ZNF679: variants seen among roughly 807,000 people sequenced by gnomAD.
ZNF679 encodes the protein zinc finger protein 679, also known as hypothetical protein MGC42415.
A neutral mutation model predicts 13.4 loss-of-function variants in ZNF679; 10 were observed. The ratio of observed to expected loss-of-function variants is 0.75; its 90% CI spans 0.46 to 1.27. The LOEUF is 1.27. Ranked by LOEUF, ZNF679 falls within the 50% of genes most tolerant of loss-of-function variation. The pLI is 0.00. For missense variants in ZNF679, 525 were observed against 477.8 expected (o/e 1.10, Z -0.92); for synonymous variants, 179 against 162.5 (o/e 1.10, Z -0.77).
At chr7:64,254,999 C>CAAAAAAAAA (rs71060569) in intron 2 of ZNF679, among the ~76,000 whole-genome samples, 1 of 92,126 alleles carries the variant, frequency 1.1e-5, no homozygotes. Flanking sequence ...GACTCCATCT[C>CAAAAAAAAA]AAAAAAAAAA....
chr7:64,232,210 C>T (rs1787648913), intron 1 of ZNF679, among the ~76,000 whole-genome samples: 1 of 152,194 alleles, frequency 6.6e-6, no homozygotes, highest in Non-Finnish European at 1.5e-5. Context: ...CAAGAGTGGG[C>T]TGTATGCATG....
At chr7:64,228,690 A>T (rs1048493908) in intron 1 of ZNF679, 38 bp downstream of exon 1, 3 of 152,206 alleles carry the variant, frequency 2.0e-5, no homozygotes, top group Non-Finnish European at 2.9e-5. Flanking sequence ...CAGTCTTAAC[A>T]CTGGACAGGA....
intron 3 of ZNF679, 30 bp downstream of exon 3, chr7:64,260,377 A>G (rs766926554): frequency 1.3e-6 from 2 of 1,574,380 alleles, no homozygotes; most frequent in Admixed American, 2.1e-5. Flanking sequence ...ACAATTCCTA[A>G]TATATTTCTT....
intron 2 of ZNF679, among the ~76,000 whole-genome samples, chr7:64,258,512 C>A (rs1248648727): frequency 6.6e-6 from 1 of 151,772 alleles, no homozygotes; most frequent in Non-Finnish European, 1.5e-5. Flanking sequence ...ACCAGCCTGA[C>A]CAACATGGTG....
intron 4 of ZNF679, among the ~76,000 whole-genome samples, chr7:64,262,791 A>G (rs1788095127): frequency 6.6e-6 from 1 of 152,222 alleles, no homozygotes; most frequent in African/African-American, 2.4e-5. Flanking sequence ...ATAGTTCAAA[A>G]TAAAGTTTAA....
At chr7:64,248,759 C>A (rs1787901887) in intron 1 of ZNF679, among the ~76,000 whole-genome samples, 1 of 152,072 alleles carries the variant, frequency 6.6e-6, no homozygotes, top group African/African-American at 2.4e-5. Context: ...ACGTTATACA[C>A]AAGGTTAAAT....
At chr7:64,252,833 T>C (rs1360364095) in intron 2 of ZNF679, among the ~76,000 whole-genome samples, 5 of 152,236 alleles carry the variant, frequency 3.3e-5, no homozygotes, top group Non-Finnish European at 5.9e-5. Flanking sequence ...TTCTCTTGCC[T>C]CAGCCTCCCA....
chr7:64,231,988 C>T (rs980852016), intron 1 of ZNF679, among the ~76,000 whole-genome samples: 1 of 152,206 alleles, frequency 6.6e-6, no homozygotes, highest in Non-Finnish European at 1.5e-5. Flanking sequence ...CAACAGTGGA[C>T]AGGATCCATA....
At chr7:64,230,937 G>C (rs1188127424) in intron 1 of ZNF679, among the ~76,000 whole-genome samples, 2 of 152,176 alleles carry the variant, frequency 1.3e-5, no homozygotes, top group African/African-American at 2.4e-5. Context: ...ACATATAAGA[G>C]TCACAGTTCC....
intron 2 of ZNF679, 92 bp from the exon 3 acceptor site, chr7:64,260,129 A>G: frequency 1.7e-6 from 2 of 1,168,668 alleles, no homozygotes; most frequent in Non-Finnish European, 2.4e-6. Context: ...TTTACTCTCT[A>G]ACTTGAGTCA....
chr7:64,229,858 G>A lies in ZNF679; in HGVS notation c.-91+1206G>A, dbSNP rs186798273. Among the ~76,000 whole-genome samples the A allele has an allele frequency of 3.4e-4, 52 of 152,204 alleles. No homozygotes were observed. The South Asian group carries it at 5.2e-3, about 15-fold the overall frequency. ...TCATATCATCTGAATTCAGGGCCAG[G>A]GATATGTCAGCATTCTCCTTGTGTG... is the stretch of plus-strand genomic sequence containing the variant. On this transcript the variant is annotated intron_variant, in intron 1 of 4. Transcript: ENST00000421025.
At chr7:64,245,237 G>C (rs1291685194) in intron 1 of ZNF679, among the ~76,000 whole-genome samples, 1 of 152,102 alleles carries the variant, frequency 6.6e-6, no homozygotes. Context: ...TGTTGGCCAG[G>C]CTGGTCTTGA....
intron 1 of ZNF679, among the ~76,000 whole-genome samples, chr7:64,240,972 T>C (rs1787790699): frequency 6.6e-6 from 1 of 152,128 alleles, no homozygotes; most frequent in African/African-American, 2.4e-5. Context: ...CATCTGTCGA[T>C]TGGATTAATG....
chr7:64,237,074 A>G (rs1008893890), intron 1 of ZNF679, among the ~76,000 whole-genome samples: 15 of 152,156 alleles, frequency 9.9e-5, no homozygotes, highest in South Asian at 4.1e-4. Context: ...GGTTAGGGCT[A>G]CAGAGACTGG....
chr7:64,266,343 A>T lies in ZNF679; in HGVS notation c.710A>T (p.Glu237Val). 6.2e-7 allele frequency: 1 copy of T among 1,613,618 alleles called. No homozygotes were observed. The highest frequency in any genetic ancestry group is 2.2e-5 in the East Asian group (1 of 44,800). ...AAACATAAAAGAATTCATACTGGAG[A>T]GAAACCCTACAGATGTGAGGAATGT... ...LSKHKRIHTG[E>V]KPYRCEECGK... The change falls in exon 5 of 5, where the codon GAG (glutamate) becomes GTG (valine). Residue 237 changes from glutamate to valine, a missense_variant. By Grantham distance (121) the Glu-to-Val change is moderately radical. Transcript: ENST00000421025.
At position 64,249,021 on chromosome 7, in the gene ZNF679, C is replaced by G; in HGVS notation, c.-90-7C>G. 1 of 1,561,538 alleles carries G rather than the reference C, an allele frequency of 6.4e-7. No individual in the cohort carries two copies. Among genetic ancestry groups the G allele is most frequent in the Non-Finnish European group, 8.7e-7 (1 of 1,144,778 alleles). ...TTTCCGGGTCCTTTGTGTTTCTCTG[C>G]GTCCAGAGCTCCAGTTCTTCTCTTC... On this transcript the variant is annotated splice_polypyrimidine_tract_variant and splice_region_variant and intron_variant, in intron 1 of 4. Transcript: ENST00000421025.
intron 4 of ZNF679, among the ~76,000 whole-genome samples, chr7:64,263,839 C>G (rs367875518): frequency 7.2e-5 from 11 of 152,106 alleles, no homozygotes; most frequent in African/African-American, 2.2e-4. Context: ...TTATAAATTA[C>G]CCAGTCTCAG....
chr7:64,231,063 T>C (rs1787632203), intron 1 of ZNF679, among the ~76,000 whole-genome samples: 1 of 152,196 alleles, frequency 6.6e-6, no homozygotes, highest in Non-Finnish European at 1.5e-5. Flanking sequence ...CACAGTCCCA[T>C]CTGTGTGCTG....
intron 1 of ZNF679, among the ~76,000 whole-genome samples, chr7:64,231,769 A>G (rs1038254954): frequency 1.3e-5 from 2 of 152,172 alleles, no homozygotes; most frequent in Non-Finnish European, 2.9e-5. Context: ...CACATCACCT[A>G]TGTAGCCCAA....
Sources: allele counts gnomAD v4.1 joint callset (sites outside exome capture counted in the v4.1 genomes callset), GRCh38; gene constraint gnomAD v4.1.1; transcripts MANE v1.5; gene names NCBI Gene and HGNC (gene_info 2026-07-23, HGNC 2026-07-21).